Variants in MATN1 observed in about 807,000 individuals in gnomAD.
MATN1 encodes the protein matrilin-1.
In MATN1, 34 loss-of-function variants were observed where a neutral mutation model predicts 41.3. That is an observed-to-expected ratio of 0.82 (90% CI 0.63 to 1.10). The LOEUF (loss-of-function observed/expected upper bound fraction) is 1.10, where lower values mean the gene tolerates loss of function less well. Among genes scored for constraint, MATN1 ranks in the 50% least tolerant of loss-of-function variants. MATN1 has a pLI of 0.00. For synonymous variants in MATN1, 264 were observed against 278.7 expected (o/e 0.95, Z 0.53); for missense variants, 602 against 662.4 (o/e 0.91, Z 1.00).
chr1:30,721,199 G>T, intron 2 of MATN1: 1 of 590,786 alleles, frequency 1.7e-6, no homozygotes, highest in Non-Finnish European at 3.0e-6. Flanking sequence ...TGGAAAGGTT[G>T]GGTAAAGGTG....
At position 30,723,453 on chromosome 1, in the gene MATN1, C is replaced by A. The variant is rs775867280; in HGVS notation, c.94+5G>T. 3.7e-5 allele frequency: 56 copies of A among 1,503,264 alleles called. No homozygotes were observed. The highest frequency in any genetic ancestry group is 1.8e-4 in the Middle Eastern group (1 of 5,462). 93.1% of individuals were successfully genotyped at this position (1,503,264 alleles called of 1,614,324 possible). A position where few individuals can be genotyped will look rare whatever the true frequency, so the allele number is the denominator to read the frequency against. ...GTAGCCCCCATCTCACGCAAGCCCC[C>A]TCACCTCTGGACTGGGGGGCGAGGC... On this transcript the variant is annotated splice_donor_5th_base_variant and intron_variant, in intron 1 of 7. Coordinates refer to ENST00000373765, the MANE Select transcript of MATN1 (RefSeq NM_002379.3).
Position 30,711,900 on chromosome 1 carries a change from C to G in MATN1, c.*1682G>C, listed in dbSNP as rs114895443. 6.6e-6 allele frequency: 1 copy of G among 152,414 alleles called. No individual in the cohort carries two copies. Among genetic ancestry groups the G allele is most frequent in the Non-Finnish European group, 1.5e-5 (1 of 68,068 alleles). 9.4% of individuals were successfully genotyped at this position (152,414 alleles called of 1,614,324 possible). On this transcript the variant is annotated 3_prime_UTR_variant, in exon 8 of 8. Transcript: ENST00000373765. Reference sequence around the variant, plus strand: ...GGAGCCTCCTTGGACAGCAGAAAAACTCCTGCCCCAGGGACGGACAGAGAG... The same window carrying G: ...GGAGCCTCCTTGGACAGCAGAAAAAGTCCTGCCCCAGGGACGGACAGAGAG...
rs192990584 is a variant in MATN1 at position 30,714,716 on chromosome 1, G to A, written c.1361-389C>T. Among the ~76,000 whole-genome samples the A allele has an allele frequency of 4.4e-4, 67 of 152,230 alleles. No homozygotes were observed. In the South Asian group the frequency reaches 9.8e-3, roughly 22 times the overall value. ...AAAAAACTTGCCCATGGCCAACAGC[G>A]TCAGAGCAAAGACACAGGCCCAGGC... On this transcript the variant is annotated intron_variant, in intron 6 of 7. Transcript: ENST00000373765.
At position 30,715,142 on chromosome 1, in the gene MATN1, C is replaced by T. The variant is rs1345515224; in HGVS notation, c.1360+15G>A. On this transcript the variant is annotated intron_variant, in intron 6 of 7. Transcript: ENST00000373765. ...ACCTGCAAATCCCATCAATGCCAGC[C>T]CTGGCCTCACTCACCCACACAGATC... 1 of 1,613,666 alleles carries T rather than the reference C, an allele frequency of 6.2e-7. No individual in the cohort carries two copies. The highest frequency in any genetic ancestry group is 1.3e-5 in the African/African-American group (1 of 75,044).
At chr1:30,717,427 C>T (rs886461327) in intron 3 of MATN1, among the ~76,000 whole-genome samples, 2 of 152,112 alleles carry the variant, frequency 1.3e-5, no homozygotes, top group African/African-American at 4.8e-5. Flanking sequence ...GACCCACACA[C>T]ACACCTCCCC....
chr1:30,713,958 G>A, intron 7 of MATN1: 1 of 577,610 alleles, frequency 1.7e-6, no homozygotes, highest in Admixed American at 3.0e-5. Flanking sequence ...CTGAGAAATG[G>A]GGCATCCATG....
Position 30,721,394 on chromosome 1 carries a change from C to A in MATN1, c.441+11G>T. On this transcript the variant is annotated intron_variant, in intron 2 of 7. Transcript: ENST00000373765. ...AAACAGCAGCATCCTAGCAGGGTGGCGTGCACGTACCTTGCTGATGTCAGG... is the reference window on the plus strand; with the variant it reads ...AAACAGCAGCATCCTAGCAGGGTGGAGTGCACGTACCTTGCTGATGTCAGG... 6.3e-7 allele frequency: 1 copy of A among 1,595,566 alleles called. No homozygotes were observed. Among genetic ancestry groups the A allele is most frequent in the Non-Finnish European group, 8.6e-7 (1 of 1,166,218 alleles).
At position 30,713,398 on chromosome 1, in the gene MATN1, CACAT is replaced by C. The variant is rs1228395741; in HGVS notation, c.*180_*183del. Reference sequence around the variant, plus strand: ...ACGTGCACACACACACACACACACACACATGCACACATACACACACGCACACATA... The same window carrying C: ...ACGTGCACACACACACACACACACACGCACACATACACACACGCACACATA... On this transcript the variant is annotated 3_prime_UTR_variant, in exon 8 of 8. Transcript: ENST00000373765. 16 of 634,484 alleles carry C rather than the reference CACAT, an allele frequency of 2.5e-5. No individual in the cohort carries two copies. The highest frequency in any genetic ancestry group is 1.5e-4 in the African/African-American group (8 of 54,924). The allele number at this position is 634,484 out of a possible 1,614,324, so 39.3% of individuals were successfully genotyped here. A position where few individuals can be genotyped will look rare whatever the true frequency, so the allele number is the denominator to read the frequency against.
chr1:30,717,095 G>C (rs1453730360), intron 3 of MATN1, among the ~76,000 whole-genome samples, 180 bp from the exon 4 acceptor site: 1 of 152,204 alleles, frequency 6.6e-6, no homozygotes, highest in African/African-American at 2.4e-5. Flanking sequence ...TTGCACCAGT[G>C]CCTAGATCCC....
chr1:30,715,323 C>T lies in MATN1; in HGVS notation c.1208-14G>A, dbSNP rs756207172. 20 of 1,613,638 alleles carry T rather than the reference C, an allele frequency of 1.2e-5. No homozygotes were observed. Among genetic ancestry groups the T allele is most frequent in the Non-Finnish European group, 1.7e-5 (20 of 1,179,720 alleles). On this transcript the variant is annotated splice_polypyrimidine_tract_variant and intron_variant, in intron 5 of 7. Transcript: ENST00000373765. Reference sequence around the variant, plus strand: ...ACATCTTAAAGCCTGCCAGGAGGAACAGGAGAAGTAAGGCTGGACATGGGG... The same window carrying T: ...ACATCTTAAAGCCTGCCAGGAGGAATAGGAGAAGTAAGGCTGGACATGGGG...
intron 6 of MATN1, 76 bp from the exon 7 acceptor site, chr1:30,714,403 C>T: frequency 8.2e-7 from 1 of 1,219,032 alleles, no homozygotes; most frequent in Non-Finnish European, 1.2e-6. Flanking sequence ...ACAGTCACTG[C>T]CCAGGGCCAG....
In MATN1 at chr1:30,715,936, C is replaced by T. The variant is rs189562443; in HGVS notation, c.1180G>A (p.Asp394Asn). The T allele has an allele frequency of 3.7e-6, 6 of 1,614,046 alleles. No homozygotes were observed. The East Asian group carries it at 1.3e-4, about 36-fold the overall frequency. The change falls in exon 5 of 8, where the codon GAT (aspartate) becomes AAT (asparagine). Residue 394 changes from aspartate (D) to asparagine (N), a missense_variant. By Grantham distance (23) the Asp-to-Asn change is conservative. Transcript: ENST00000373765. Reference protein sequence around the residue: ...TDGRSQDYINDAAKKAKDLGF... With the variant: ...TDGRSQDYINNAAKKAKDLGF... ...AGGTCTTTGGCCTTCTTGGCAGCAT[C>T]ATTAATGTAGTCCTGGCTCCGGCCA...
In MATN1 at chr1:30,718,902, G is replaced by T. The variant is rs771263491; in HGVS notation, c.497C>A (p.Ala166Glu). 13 of 1,579,564 alleles carry T rather than the reference G, an allele frequency of 8.2e-6. No individual in the cohort carries two copies. The East Asian group carries it at 3.0e-4, about 36-fold the overall frequency. Residue 166 changes from alanine to glutamate, a missense_variant, in exon 3 of 8, where the codon GCG (alanine) becomes GAG (glutamate). Ala to Glu is a moderately radical substitution (Grantham distance 107, BLOSUM62 -1). Coordinates refer to ENST00000373765, the MANE Select transcript of MATN1 (RefSeq NM_002379.3). ...CTCGACGCCGCTGGCCCGGGCCCGC[G>T]CAGACACGTCCTGCACGCTGTCCTG... ...RPQDSVQDVS[A>E]RARASGVELF...
rs751408183 is a variant in MATN1 at position 30,716,868 on chromosome 1, A to AG, written c.711_712insC (p.Cys238LeufsTer38). 3 of 1,613,682 alleles carry AG rather than the reference A, an allele frequency of 1.9e-6. No homozygotes were observed. In the East Asian group the frequency reaches 6.7e-5, roughly 36 times the overall value. ...GTGTAGGAACCGGGGGAGCTGATGC[A>AG]CACCTGCTCACAGTCATGGTCCCCT... On this transcript the variant is annotated frameshift_variant, in exon 4 of 8. Coordinates refer to ENST00000373765, the MANE Select transcript of MATN1 (RefSeq NM_002379.3). LOFTEE classifies it high-confidence loss of function.
chr1:30,720,493 C>T (rs1379700223), intron 2 of MATN1: 1 of 152,334 alleles, frequency 6.6e-6, no homozygotes, highest in Non-Finnish European at 1.5e-5. Flanking sequence ...GAGCAAGTTG[C>T]TTAAGCTTCT....
At chr1:30,717,009 A>AT in intron 3 of MATN1, 94 bp from the exon 4 acceptor site, 1 of 1,363,538 alleles carries the variant, frequency 7.3e-7, no homozygotes, top group Non-Finnish European at 9.7e-7. Flanking sequence ...ACCAGGCCCC[A>AT]TCCAGACTCA....
chr1:30,715,371 C>G, intron 5 of MATN1, 62 bp from the exon 6 acceptor site: 1 of 1,577,162 alleles, frequency 6.3e-7, no homozygotes, highest in Non-Finnish European at 8.7e-7. Flanking sequence ...ATGGCTGAGC[C>G]TCCTGGGGAA....
rs1207080566 is a variant in MATN1, at chr1:30,716,977, T to C, written c.665-62A>G. 8 of 1,521,496 alleles carry C rather than the reference T, an allele frequency of 5.3e-6. No homozygotes were observed. In the Admixed American group the frequency reaches 1.4e-4, roughly 26 times the overall value. The allele number at this position is 1,521,496 out of a possible 1,614,324, so 94.2% of individuals were successfully genotyped here. On this transcript the variant is annotated intron_variant, in intron 3 of 7. Transcript: ENST00000373765. ...TAGTGCCTTGGGCACTACAGACAGG[T>C]TGTCCCTCCCTGACTGTGGATACCA...
intron 7 of MATN1, 96 bp from the exon 8 acceptor site, chr1:30,713,727 G>A (rs755790720): frequency 9.1e-5 from 83 of 909,948 alleles, no homozygotes; most frequent in Middle Eastern, 7.4e-4. Flanking sequence ...CCACTACAGC[G>A]TGCATTCTCC....
Sources: allele counts gnomAD v4.1 joint callset (sites outside exome capture counted in the v4.1 genomes callset), GRCh38; gene constraint gnomAD v4.1.1; transcripts MANE v1.5; gene names NCBI Gene and HGNC (gene_info 2026-07-23, HGNC 2026-07-21).